AKR7A3: variants seen among roughly 807,000 people sequenced by gnomAD.
The protein encoded by AKR7A3 is aldo-keto reductase family 7 member A3, also known as AFB1 aldehyde reductase 2.
In AKR7A3, 37 loss-of-function variants were observed where a neutral mutation model predicts 32.5. The observed-to-expected ratio is 1.14, with a 90% CI of 0.88 to 1.50. The LOEUF (loss-of-function observed/expected upper bound fraction) is 1.50, where lower values mean the gene tolerates loss of function less well. AKR7A3 is among the 40% of genes most tolerant of loss of function. AKR7A3 has a pLI of 0.00. For synonymous variants in AKR7A3, 177 were observed against 188.4 expected (o/e 0.94, Z 0.50); for missense variants, 412 against 453.2 (o/e 0.91, Z 0.83).
At chr1:19,287,332 T>C (rs1466543870) in intron 1 of AKR7A3, among the ~76,000 whole-genome samples, 1 of 148,328 alleles carries the variant, frequency 6.7e-6, no homozygotes, top group Non-Finnish European at 1.5e-5. Context: ...ATCAGAAATA[T>C]GGTTAGAGCT....
the AKR7A3 span, among the ~76,000 whole-genome samples, chr1:19,274,578 C>A: frequency 1.3e-5 from 2 of 151,718 alleles, no homozygotes. Flanking sequence ...AAAACAGCGT[C>A]CCCGTGGAGT....
downstream of AKR7A3, among the ~76,000 whole-genome samples, chr1:19,281,562 G>A (rs1349059688): frequency 6.6e-6 from 1 of 151,764 alleles, no homozygotes; most frequent in African/African-American, 2.4e-5. Flanking sequence ...TTGAACCCAG[G>A]AGGTGGAGGT....
chr1:19,284,381 A>G (rs2093724887), intron 5 of AKR7A3, among the ~76,000 whole-genome samples: 1 of 151,892 alleles, frequency 6.6e-6, no homozygotes, highest in Non-Finnish European at 1.5e-5. Flanking sequence ...AAAGGCCGCT[A>G]AGATGGGTCA....
At chr1:19,284,547 G>C (rs1318833766) in intron 5 of AKR7A3, 139 bp downstream of exon 5, 2 of 958,704 alleles carry the variant, frequency 2.1e-6, no homozygotes, top group Admixed American at 2.2e-5. Flanking sequence ...AACCGATGGA[G>C]GGTTTGGAAA....
chr1:19,282,058 A>G (rs141967583), downstream of AKR7A3, among the ~76,000 whole-genome samples: 1 of 151,958 alleles, frequency 6.6e-6, no homozygotes, highest in East Asian at 1.9e-4. Flanking sequence ...ACAAGTTAAG[A>G]CTTTGGGTGA....
In AKR7A3 at chr1:19,287,394, C is replaced by G. The variant is rs79934678; in HGVS notation, c.215-1022G>C. On this transcript the variant is annotated intron_variant, in intron 1 of 6. Coordinates refer to ENST00000361640, the MANE Select transcript of AKR7A3 (RefSeq NM_012067.3). The stretch of plus-strand genomic sequence containing the variant: ...AGAAAGAGCGTGGCACTGGGATGCA[C>G]GCACAGGCCAGGTTCGTTCTGGATC... 2.2e-3 allele frequency among the ~76,000 whole-genome samples: 336 copies of G among 151,628 alleles called. 16 individuals are homozygous for G. The highest frequency in any genetic ancestry group is 7.8e-3 in the African/African-American group (321 of 41,060).
chr1:19,286,424 G>A (rs1569657224), intron 1 of AKR7A3, 52 bp from the exon 2 acceptor site: 6 of 1,571,774 alleles, frequency 3.8e-6, no homozygotes, highest in South Asian at 1.1e-5. Context: ...GCTCATGCCT[G>A]TAATCCCAGC....
chr1:19,280,461 G>A (rs1387620540), downstream of AKR7A3, among the ~76,000 whole-genome samples: 2 of 151,838 alleles, frequency 1.3e-5, no homozygotes, highest in Non-Finnish European at 2.9e-5. Flanking sequence ...TTAGGTCTAT[G>A]ACTCACTTTG....
At chr1:19,277,803 G>C (rs1326903988), downstream of AKR7A3, among the ~76,000 whole-genome samples, 1 of 152,114 alleles carries the variant, frequency 6.6e-6, no homozygotes, top group East Asian at 1.9e-4. Flanking sequence ...TTACAGGCAT[G>C]AGCCACTGCA....
chr1:19,283,921 G>A lies in AKR7A3; in HGVS notation c.834+75C>T, dbSNP rs1053549530. 5.6e-6 allele frequency: 9 copies of A among 1,599,138 alleles called. No homozygotes were observed. In the Admixed American group the frequency reaches 6.9e-5, roughly 12 times the overall value. Reference sequence around the variant, plus strand: ...ATTTCAGAGGAATCGATAAACAAATGTTTCAGCCTTCATCTAAAGATATTG... The same window carrying A: ...ATTTCAGAGGAATCGATAAACAAATATTTCAGCCTTCATCTAAAGATATTG... On this transcript the variant is annotated intron_variant, in intron 6 of 6. Coordinates refer to ENST00000361640, the MANE Select transcript of AKR7A3 (RefSeq NM_012067.3).
chr1:19,274,262 G>C, the AKR7A3 span: 1 of 1,236,068 alleles, frequency 8.1e-7, no homozygotes, highest in African/African-American at 1.6e-5. Context: ...CAACCACGAG[G>C]ACCGTCTGCA....
rs1477390258 is a variant in AKR7A3, at chr1:19,288,329, C to T, written c.214+167G>A. Among the ~76,000 whole-genome samples, 4 of 151,352 alleles carry T rather than the reference C, an allele frequency of 2.6e-5. No homozygotes were observed. In the East Asian group the frequency reaches 7.8e-4, roughly 30 times the overall value. ...GAAAAGTTGTCCGGAGCTAGACGTGCCTAAGGAGCCTGGTGTTCCCAAGGC... is the reference window on the plus strand; with the variant it reads ...GAAAAGTTGTCCGGAGCTAGACGTGTCTAAGGAGCCTGGTGTTCCCAAGGC... On this transcript the variant is annotated intron_variant, in intron 1 of 6. Coordinates refer to ENST00000361640, the MANE Select transcript of AKR7A3 (RefSeq NM_012067.3).
rs192496423 is a variant in AKR7A3 at position 19,283,019 on chromosome 1, G to A, written c.835-127C>T. 13 of 929,624 alleles carry A rather than the reference G, an allele frequency of 1.4e-5. No homozygotes were observed. In the African/African-American group the frequency reaches 2.0e-4, roughly 14 times the overall value. The allele number at this position is 929,624 out of a possible 1,614,324, so 57.6% of individuals were successfully genotyped here. ...TCCCATATGTCCAGAAAGAACTTAA[G>A]GTGCCTTGGATAGCTGTACCCATGT... On this transcript the variant is annotated intron_variant, in intron 6 of 6. Coordinates refer to ENST00000361640, the MANE Select transcript of AKR7A3 (RefSeq NM_012067.3).
chr1:19,275,552 T>A, the AKR7A3 span, among the ~76,000 whole-genome samples: 4,842 of 151,924 alleles, frequency 0.032, 369 homozygotes, highest in African/African-American at 0.11. Flanking sequence ...ACACCTGTAA[T>A]CTCAGCACTT....
downstream of AKR7A3, among the ~76,000 whole-genome samples, chr1:19,281,395 G>A (rs1009555364): frequency 1.3e-5 from 2 of 151,730 alleles, no homozygotes; most frequent in African/African-American, 2.4e-5. Flanking sequence ...CCCAGCATTC[G>A]AGGCACCAAG....
rs993659204 is a variant in AKR7A3 at position 19,284,093 on chromosome 1, G to A, written c.737C>T (p.Ala246Val). Residue 246 changes from alanine to valine, a missense_variant, in exon 6 of 7, where the codon GCC (alanine) becomes GTC (valine). By Grantham distance (64) the Ala-to-Val change is moderately conservative. Transcript: ENST00000361640. ...YWKEHHFEGI[A>V]LVEKALQAAY... ...GGCCTGCAGGGCCTTCTCCACCAGG[G>A]CAATGCCCTCAAAGTGGTGCTCCTT... 1 of 1,613,522 alleles carries A rather than the reference G, an allele frequency of 6.2e-7. No homozygotes were observed. Among genetic ancestry groups the A allele is most frequent in the Non-Finnish European group, 8.5e-7 (1 of 1,179,776 alleles).
At chr1:19,278,548 G>A (rs2093714232), downstream of AKR7A3, among the ~76,000 whole-genome samples, 1 of 151,550 alleles carries the variant, frequency 6.6e-6, no homozygotes, top group African/African-American at 2.4e-5. Context: ...GCCACAGAGT[G>A]AGACTCCATC....
intron 3 of AKR7A3, among the ~76,000 whole-genome samples, chr1:19,285,479 T>A (rs1558131894): frequency 6.6e-6 from 1 of 151,606 alleles, no homozygotes; most frequent in Non-Finnish European, 1.5e-5. Context: ...CAAGCAGGTG[T>A]GCAAATATTT....
At chr1:19,281,848 C>G (rs570015061), downstream of AKR7A3, among the ~76,000 whole-genome samples, 8 of 152,112 alleles carry the variant, frequency 5.3e-5, no homozygotes, top group South Asian at 1.7e-3. Context: ...GCCTGCCCTA[C>G]TGGGTTTCAG....
Sources: allele counts gnomAD v4.1 joint callset (sites outside exome capture counted in the v4.1 genomes callset), GRCh38; gene constraint gnomAD v4.1.1; transcripts MANE v1.5; gene names NCBI Gene and HGNC (gene_info 2026-07-23, HGNC 2026-07-21).